The following MBP variants were observed in gnomAD, a reference collection of about 807,000 sequenced individuals.
MBP encodes myelin basic protein.
A neutral mutation model predicts 35.8 loss-of-function variants in MBP; 16 were observed. The ratio of observed to expected loss-of-function variants is 0.45; its 90% CI spans 0.30 to 0.68. The LOEUF is 0.68. Ranked by LOEUF, MBP falls within the 30% of genes least tolerant of loss-of-function variation. MBP has a pLI of 0.08. For synonymous variants in MBP, 143 were observed against 159.6 expected (o/e 0.90, Z 0.78); for missense variants, 380 against 404.7 (o/e 0.94, Z 0.52).
chr18:77,029,060 G>A (rs1379721242), intron 3 of MBP, among the ~76,000 whole-genome samples: 12 of 104,240 alleles, frequency 1.2e-4, no homozygotes, highest in African/African-American at 3.0e-4. Flanking sequence ...CAAGGCAGGC[G>A]GCTGGGAGGT....
At chr18:77,052,778 G>A (rs1413236666) in intron 3 of MBP, among the ~76,000 whole-genome samples, 1 of 152,122 alleles carries the variant, frequency 6.6e-6, no homozygotes, top group Non-Finnish European at 1.5e-5. Flanking sequence ...CTGATGGGAA[G>A]TACCCTGCCA....
At chr18:77,104,106 G>A (rs1174426468) in intron 2 of MBP, among the ~76,000 whole-genome samples, 1 of 152,256 alleles carries the variant, frequency 6.6e-6, no homozygotes, top group Non-Finnish European at 1.5e-5. Context: ...AAGAAGGGCT[G>A]GAGCCAGAGG....
chr18:77,110,699 C>A (rs1483015821), intron 1 of MBP, among the ~76,000 whole-genome samples: 3 of 152,070 alleles, frequency 2.0e-5, no homozygotes, highest in African/African-American at 7.2e-5. Context: ...GTGTATGGAA[C>A]TTTTGTTCTA....
chr18:77,052,258 A>T (rs137867950), intron 3 of MBP, among the ~76,000 whole-genome samples: 1 of 152,176 alleles, frequency 6.6e-6, no homozygotes, highest in African/African-American at 2.4e-5. Context: ...ACTTATGGAA[A>T]CCAAATAGAA....
At chr18:77,000,160 A>G (rs950095070) in intron 4 of MBP, among the ~76,000 whole-genome samples, 1 of 152,212 alleles carries the variant, frequency 6.6e-6, no homozygotes, top group Non-Finnish European at 1.5e-5. Context: ...AATATTTTCT[A>G]TTGTTTAGAA....
Position 77,056,201 on chromosome 18 carries a change from C to T in MBP, c.139+10097G>A, listed in dbSNP as rs116357423. Among the ~76,000 whole-genome samples, 45 of 152,330 alleles carry T rather than the reference C, an allele frequency of 3.0e-4. 1 individual carries two copies. The highest frequency in any genetic ancestry group is 1.1e-3 in the African/African-American group (44 of 41,558). Reference sequence around the variant, plus strand: ...CTGTTGCTGTCTCCTGTGCCTGGCCCGGTGTCCATGTGGCTCACAGGACCC... The same window carrying T: ...CTGTTGCTGTCTCCTGTGCCTGGCCTGGTGTCCATGTGGCTCACAGGACCC... On this transcript the variant is annotated intron_variant, in intron 3 of 8. Transcript: ENST00000355994.
intron 4 of MBP, chr18:77,010,015 T>G: frequency 1.1e-6 from 1 of 943,468 alleles, no homozygotes; most frequent in Non-Finnish European, 1.7e-6. Flanking sequence ...CCTCTAGAGC[T>G]GGCTTGGCAA....
chr18:77,128,551 AG>A (rs1977136429), intron 1 of MBP, among the ~76,000 whole-genome samples: 1 of 151,960 alleles, frequency 6.6e-6, no homozygotes, highest in South Asian at 2.1e-4. Context: ...ACACACACAC[AG>A]AGCAGTCTAT....
rs1040019313 is a variant in MBP at position 77,039,365 on chromosome 18, T to A, written c.140-22097A>T. 2.6e-5 allele frequency among the ~76,000 whole-genome samples: 4 copies of A among 152,158 alleles called. No individual in the cohort carries two copies. The South Asian group carries it at 8.3e-4, about 32-fold the overall frequency. Reference sequence around the variant, plus strand: ...ACGCAACACAACTCAGAAGTCAGATTTTTGTGAGCCTCTAGGTGTATGAAG... The same window carrying A: ...ACGCAACACAACTCAGAAGTCAGATATTTGTGAGCCTCTAGGTGTATGAAG... On this transcript the variant is annotated intron_variant, in intron 3 of 8. Transcript: ENST00000355994.
intron 2 of MBP, among the ~76,000 whole-genome samples, chr18:77,083,169 G>A (rs1027583078): frequency 5.3e-5 from 8 of 151,940 alleles, no homozygotes; most frequent in African/African-American, 1.2e-4. Context: ...GTTTTGCCAC[G>A]TTGGCCAGGC....
At chr18:77,107,969 C>A (rs1490606973) in intron 1 of MBP, among the ~76,000 whole-genome samples, 1 of 152,128 alleles carries the variant, frequency 6.6e-6, no homozygotes, top group East Asian at 1.9e-4. Flanking sequence ...ACAAGAGGAA[C>A]AAAACGACAA....
intron 4 of MBP, among the ~76,000 whole-genome samples, chr18:77,007,465 C>T (rs1264744918): frequency 1.3e-5 from 2 of 152,230 alleles, no homozygotes; most frequent in Non-Finnish European, 2.9e-5. Context: ...TCGCCGGCCC[C>T]TGCTCAGGGG....
rs373441086 is a variant in MBP at position 77,031,988 on chromosome 18, G to A, written c.140-14720C>T. Among the ~76,000 whole-genome samples the A allele has an allele frequency of 1.2e-3, 178 of 152,338 alleles. 2 individuals carry two copies. The Middle Eastern group carries it at 0.02, about 17-fold the overall frequency. ...GACAGAAACTTTGAGCGATGGCAACGACAACAAGTGTGTTTTCTGGGGGTG... is the reference window on the plus strand; with the variant it reads ...GACAGAAACTTTGAGCGATGGCAACAACAACAAGTGTGTTTTCTGGGGGTG... On this transcript the variant is annotated intron_variant, in intron 3 of 8. Transcript: ENST00000355994.
chr18:76,995,493 A>G (rs8094402), intron 4 of MBP, among the ~76,000 whole-genome samples: 38,041 of 152,174 alleles, frequency 0.25, 5,654 homozygotes, highest in Non-Finnish European at 0.35. Context: ...ACAGGCACCT[A>G]GATTAATGGA....
chr18:76,983,970 CA>C (rs995411746), intron 8 of MBP: 2 of 152,258 alleles, frequency 1.3e-5, no homozygotes, highest in Non-Finnish European at 2.9e-5. Context: ...TGGTCTCCTC[CA>C]GGATGAAAAT....
chr18:77,013,872 C>A, intron 4 of MBP: 8 of 985,428 alleles, frequency 8.1e-6, no homozygotes, highest in Non-Finnish European at 9.6e-6. Flanking sequence ...AAGGAAGGAA[C>A]GGTTTCCAAA....
Position 76,980,479 on chromosome 18 carries a change from G to C in MBP, c.871-8C>G, listed in dbSNP as rs1247102390. 1.9e-6 allele frequency: 3 copies of C among 1,613,126 alleles called. No homozygotes were observed. The highest frequency in any genetic ancestry group is 2.5e-6 in the Non-Finnish European group (3 of 1,179,362). ...GCGACTATCTCTTCCTCCCTGAAAA[G>C]GAAGAGAGAGGAGTTAGGACGAGAG... On this transcript the variant is annotated splice_polypyrimidine_tract_variant and splice_region_variant and intron_variant, in intron 8 of 8. Transcript: ENST00000355994.
Position 77,131,979 on chromosome 18 carries a change from A to G in MBP, c.-26+601T>C, listed in dbSNP as rs1977291114. 6.6e-6 allele frequency among the ~76,000 whole-genome samples: 1 copy of G among 152,058 alleles called. No individual in the cohort carries two copies. Among genetic ancestry groups the G allele is most frequent in the Non-Finnish European group, 1.5e-5 (1 of 67,978 alleles). On this transcript the variant is annotated intron_variant, in intron 1 of 8. Transcript: ENST00000355994. The surrounding 1 kb of genome is among the most constrained non-coding windows in gnomAD (Gnocchi z 5.5). ...GGCCGCCCCTGGAGCTCAGAGGGAG[A>G]CTGCGCTTCGCCCCGGGGGCAGGGG...
chr18:77,019,579 C>A (rs528933008), intron 3 of MBP, among the ~76,000 whole-genome samples: 7 of 152,210 alleles, frequency 4.6e-5, no homozygotes, highest in Non-Finnish European at 7.3e-5. Context: ...TTCTGGCCTT[C>A]ACAATGGTCA....
Sources: allele counts gnomAD v4.1 joint callset (sites outside exome capture counted in the v4.1 genomes callset), GRCh38; gene constraint gnomAD v4.1.1; non-coding constraint Gnocchi (gnomAD v3.1); transcripts MANE v1.5; gene names NCBI Gene and HGNC (gene_info 2026-07-23, HGNC 2026-07-21).